Variants in KIAA1671 observed in about 807,000 individuals in gnomAD.
KIAA1671 encodes uncharacterized protein KIAA1671.
A neutral mutation model predicts 131.2 loss-of-function variants in KIAA1671; 52 were observed. The observed-to-expected ratio is 0.40, with a 90% CI of 0.32 to 0.50. KIAA1671 has a LOEUF of 0.50. KIAA1671 is among the 20% of genes least tolerant of loss of function. The pLI, the probability that KIAA1671 is intolerant of heterozygous loss-of-function variation, is 0.73. For synonymous variants in KIAA1671, 1,003 were observed against 961.6 expected (o/e 1.04, Z -0.80); for missense variants, 2,360 against 2,364.2 (o/e 1.00, Z 0.04).
At chr22:25,118,037 C>CTGAGGCAGGAGAATTGCT (rs1421479060) in intron 6 of KIAA1671, among the ~76,000 whole-genome samples, 2 of 150,518 alleles carry the variant, frequency 1.3e-5, no homozygotes, top group Non-Finnish European at 2.9e-5. Context: ...ACTCAGGAGG[C>CTGAGGCAGGAGAATTGCT]TGAGGCAGGA....
chr22:25,000,212 G>GT (rs1924378864), intron 1 of KIAA1671, among the ~76,000 whole-genome samples: 2 of 2,198 alleles, frequency 9.1e-4, no homozygotes, highest in African/African-American at 3.0e-3. Flanking sequence ...TTTTTTTTTT[G>GT]AGACGGAGTC....
chr22:24,967,569 G>T (rs1922360986), intron 1 of KIAA1671, among the ~76,000 whole-genome samples: 1 of 152,200 alleles, frequency 6.6e-6, no homozygotes, highest in South Asian at 2.1e-4. Flanking sequence ...AGCTGCCTGG[G>T]GCCTGGCCTC....
At chr22:25,111,168 A>C (rs1212335771) in intron 6 of KIAA1671, among the ~76,000 whole-genome samples, 1 of 152,242 alleles carries the variant, frequency 6.6e-6, no homozygotes, top group Non-Finnish European at 1.5e-5. Context: ...CCTTAGAGGC[A>C]GAAGCCGTTT....
intron 5 of KIAA1671, among the ~76,000 whole-genome samples, chr22:25,044,956 T>G (rs1927142429): frequency 6.6e-6 from 1 of 152,058 alleles, no homozygotes; most frequent in African/African-American, 2.4e-5. Flanking sequence ...GTCAGGAGAT[T>G]GAGACCATCC....
chr22:24,953,613 C>G (rs1921537100), intron 1 of KIAA1671, among the ~76,000 whole-genome samples: 2 of 152,002 alleles, frequency 1.3e-5, no homozygotes, highest in African/African-American at 4.8e-5. Flanking sequence ...CACCCGGGCT[C>G]ACGGGTGGGG....
At chr22:25,063,684 G>T (rs1271622716) in intron 6 of KIAA1671, 2 of 152,104 alleles carry the variant, frequency 1.3e-5, no homozygotes, top group Admixed American at 6.5e-5. Flanking sequence ...AACCAAAAAC[G>T]ACCTGTACTT....
chr22:24,983,364 T>C lies in KIAA1671; in HGVS notation c.-208+30592T>C, dbSNP rs995104281. Reference sequence around the variant, plus strand: ...TGGCTTCCGGCAATTGTTGGCGTTTTTTGGCTTCTAGCTGTATGTCTGTGT... The same window carrying C: ...TGGCTTCCGGCAATTGTTGGCGTTTCTTGGCTTCTAGCTGTATGTCTGTGT... On this transcript the variant is annotated intron_variant, in intron 1 of 12. Transcript: ENST00000358431. Among the ~76,000 whole-genome samples, 11 of 152,178 alleles carry C rather than the reference T, an allele frequency of 7.2e-5. No individual in the cohort carries two copies. The East Asian group carries it at 1.9e-3, about 27-fold the overall frequency.
At chr22:25,094,273 C>T (rs1930292951) in intron 6 of KIAA1671, among the ~76,000 whole-genome samples, 1 of 152,126 alleles carries the variant, frequency 6.6e-6, no homozygotes, top group Non-Finnish European at 1.5e-5. Context: ...TGGAGCCCTC[C>T]AGAGCTCCCT....
chr22:25,166,056 T>C (rs1306140067), intron 6 of KIAA1671, among the ~76,000 whole-genome samples: 1 of 152,152 alleles, frequency 6.6e-6, no homozygotes, highest in Non-Finnish European at 1.5e-5. Flanking sequence ...CTATTCAGTT[T>C]TGGAAAGTAG....
chr22:25,011,634 CTT>C (rs35127110), intron 1 of KIAA1671: 4,195 of 87,752 alleles, frequency 0.048, 194 homozygotes, highest in African/African-American at 0.14. Flanking sequence ...CTTTTCTTTT[CTT>C]TTTTTTTTTT....
intron 6 of KIAA1671, among the ~76,000 whole-genome samples, chr22:25,065,592 T>C (rs1337746120): frequency 2.6e-5 from 4 of 152,034 alleles, no homozygotes; most frequent in Admixed American, 2.6e-4. Flanking sequence ...CAAAATTATG[T>C]CTAAGGGGAC....
chr22:24,994,861 C>T (rs1215218440), intron 1 of KIAA1671, among the ~76,000 whole-genome samples: 1 of 151,954 alleles, frequency 6.6e-6, no homozygotes, highest in Non-Finnish European at 1.5e-5. Context: ...ATACACTTTC[C>T]AGGCCTCTTT....
chr22:25,088,830 ATGTC>A (rs1929870975), intron 6 of KIAA1671, among the ~76,000 whole-genome samples: 1 of 152,014 alleles, frequency 6.6e-6, no homozygotes, highest in Admixed American at 6.6e-5. Flanking sequence ...ACATAAGACA[ATGTC>A]TGTGCCTATA....
intron 1 of KIAA1671, among the ~76,000 whole-genome samples, chr22:24,974,668 TATC>T (rs1171393674): frequency 1.3e-5 from 2 of 151,670 alleles, no homozygotes; most frequent in South Asian, 2.1e-4. Context: ...ATAATTCACT[TATC>T]ATCCAGCTCA....
In KIAA1671 at chr22:25,012,979, C is replaced by T. The variant is rs576312936; in HGVS notation, c.-207-12654C>T. The T allele has an allele frequency of 2.6e-5, 4 of 152,414 alleles. No individual in the cohort carries two copies. The East Asian group carries it at 7.7e-4, about 29-fold the overall frequency. 9.4% of individuals were successfully genotyped at this position (152,414 alleles called of 1,614,324 possible). A position where few individuals can be genotyped will look rare whatever the true frequency, so the allele number is the denominator to read the frequency against. On this transcript the variant is annotated intron_variant, in intron 1 of 12. Transcript: ENST00000358431. ...TCAGCCCTGCCCCACTCAGTCTATCCTGTGCCAGGCACTGACTAGGTTCTA... is the reference window on the plus strand; with the variant it reads ...TCAGCCCTGCCCCACTCAGTCTATCTTGTGCCAGGCACTGACTAGGTTCTA...
chr22:25,143,786 A>AC (rs1260469561), intron 6 of KIAA1671, among the ~76,000 whole-genome samples: 1 of 152,204 alleles, frequency 6.6e-6, no homozygotes, highest in Non-Finnish European at 1.5e-5. Flanking sequence ...ATTAGACTGG[A>AC]CCAAGTTGAT....
intron 1 of KIAA1671, among the ~76,000 whole-genome samples, chr22:24,967,918 A>G (rs190644090): frequency 4.6e-5 from 7 of 151,934 alleles, no homozygotes; most frequent in Non-Finnish European, 8.8e-5. Context: ...GCGTGAACCC[A>G]GGAGGCGGAG....
intron 6 of KIAA1671, among the ~76,000 whole-genome samples, chr22:25,138,554 T>C (rs1441389640): frequency 6.6e-6 from 1 of 152,200 alleles, no homozygotes; most frequent in Non-Finnish European, 1.5e-5. Context: ...TTGGATTAAC[T>C]CTGCTCTTGT....
chr22:25,194,810 C>T lies in KIAA1671; in HGVS notation c.*2409C>T, dbSNP rs1291299798. On this transcript the variant is annotated 3_prime_UTR_variant, in exon 13 of 13. Coordinates refer to ENST00000358431, the MANE Select transcript of KIAA1671 (RefSeq NM_001145206.2). The stretch of plus-strand genomic sequence containing the variant: ...GTGGGTCAAGAGCGACCCTCTTTCA[C>T]GTGGGCTCTGCCATGACCTCTGAGA... 7 of 152,314 alleles carry T rather than the reference C, an allele frequency of 4.6e-5. No homozygotes were observed. The highest frequency in any genetic ancestry group is 2.1e-4 in the South Asian group (1 of 4,820). The allele number at this position is 152,314 out of a possible 1,614,324, so 9.4% of individuals were successfully genotyped here.
Sources: allele counts gnomAD v4.1 joint callset (sites outside exome capture counted in the v4.1 genomes callset), GRCh38; gene constraint gnomAD v4.1.1; transcripts MANE v1.5; gene names NCBI Gene and HGNC (gene_info 2026-07-23, HGNC 2026-07-21).